Variants in MITF observed in about 807,000 individuals in gnomAD.
MITF encodes the protein microphthalmia-associated transcription factor.
A neutral mutation model predicts 60.5 loss-of-function variants in MITF; 17 were observed. The ratio of observed to expected loss-of-function variants is 0.28; its 90% CI spans 0.19 to 0.42. The LOEUF (loss-of-function observed/expected upper bound fraction) is 0.42, where lower values mean the gene tolerates loss of function less well. Among genes scored for constraint, MITF ranks in the 10% least tolerant of loss-of-function variants. The probability of loss-of-function intolerance (pLI) is 1.00; values close to 1 mark genes in which losing one functional copy is unlikely to be tolerated. For missense variants in MITF, 622 were observed against 683.5 expected (o/e 0.91, Z 1.00); for synonymous variants, 260 against 248.5 (o/e 1.05, Z -0.43).
At chr3:69,867,296 T>G (rs973942245) in intron 1 of MITF, among the ~76,000 whole-genome samples, 1 of 152,132 alleles carries the variant, frequency 6.6e-6, no homozygotes, top group Non-Finnish European at 1.5e-5. Flanking sequence ...AAATACTAGA[T>G]GTAGCAGATC....
At chr3:69,754,144 C>T (rs1704040242) in intron 1 of MITF, among the ~76,000 whole-genome samples, 2 of 151,936 alleles carry the variant, frequency 1.3e-5, no homozygotes, top group Non-Finnish European at 1.5e-5. Flanking sequence ...GGTTTAGCAA[C>T]ACCCACTTAG....
At chr3:69,787,953 G>A (rs1038874482) in intron 1 of MITF, among the ~76,000 whole-genome samples, 6 of 152,054 alleles carry the variant, frequency 3.9e-5, no homozygotes, top group African/African-American at 1.4e-4. Flanking sequence ...GCATTGTTCT[G>A]TTTATTCATC....
chr3:69,823,845 G>T (rs2063314635), intron 1 of MITF, among the ~76,000 whole-genome samples: 1 of 152,132 alleles, frequency 6.6e-6, no homozygotes, highest in Admixed American at 6.5e-5. Flanking sequence ...ATACTGAGTG[G>T]TAGCCTATGA....
chr3:69,921,467 G>C (rs2065466700), intron 2 of MITF, among the ~76,000 whole-genome samples: 1 of 152,152 alleles, frequency 6.6e-6, no homozygotes. Context: ...TTAGGGCATA[G>C]TTTATCATTA....
At chr3:69,941,170 T>C in intron 4 of MITF, 66 bp from the exon 5 acceptor site, 1 of 1,052,468 alleles carries the variant, frequency 9.5e-7, no homozygotes, top group Non-Finnish European at 1.5e-6. Context: ...ACCATGAGTC[T>C]CTTTTTAGGT....
At chr3:69,946,585 C>A (rs1419902701) in intron 5 of MITF, among the ~76,000 whole-genome samples, 1 of 152,048 alleles carries the variant, frequency 6.6e-6, no homozygotes, top group African/African-American at 2.4e-5. Flanking sequence ...GTGCTTGGCC[C>A]AAAGTAGGCA....
chr3:69,938,846 A>C, intron 3 of MITF: 1 of 1,417,192 alleles, frequency 7.1e-7, no homozygotes, highest in Non-Finnish European at 9.2e-7. Context: ...GATTGATTTT[A>C]ATTTCTAGAG....
intron 1 of MITF, among the ~76,000 whole-genome samples, chr3:69,863,361 A>T (rs953381969): frequency 6.6e-6 from 1 of 152,170 alleles, no homozygotes; most frequent in African/African-American, 2.4e-5. Context: ...TGTATCCAAG[A>T]AGGTTCCCTT....
At chr3:69,959,845 G>C (rs1576056522) in intron 9 of MITF, among the ~76,000 whole-genome samples, 1 of 152,290 alleles carries the variant, frequency 6.6e-6, no homozygotes, top group Admixed American at 6.5e-5. Context: ...GCACTGTCTA[G>C]AGTTCCTGAG....
At chr3:69,789,824 G>A (rs2062710551) in intron 1 of MITF, among the ~76,000 whole-genome samples, 2 of 152,192 alleles carry the variant, frequency 1.3e-5, no homozygotes, top group South Asian at 4.1e-4. Context: ...CCACTGCACT[G>A]CAGCCTGGGC....
At chr3:69,905,752 A>T (rs968612908) in intron 2 of MITF, among the ~76,000 whole-genome samples, 5 of 151,902 alleles carry the variant, frequency 3.3e-5, no homozygotes, top group Non-Finnish European at 7.4e-5. Context: ...ATGACTGGTG[A>T]TGTAGAGCAT....
At chr3:69,843,248 G>A (rs1288903636) in intron 1 of MITF, among the ~76,000 whole-genome samples, 1 of 48,572 alleles carries the variant, frequency 2.1e-5, no homozygotes. Flanking sequence ...AGAAGGGTAT[G>A]TTGTTTGAGA....
chr3:69,900,365 A>G (rs1003632957), intron 2 of MITF, among the ~76,000 whole-genome samples: 1 of 152,134 alleles, frequency 6.6e-6, no homozygotes, highest in African/African-American at 2.4e-5. Context: ...CTGTTTCTGA[A>G]CCAACCAACT....
At chr3:69,963,965 CTTTTCTTTTTTT>C (rs2066615626) in intron 9 of MITF, among the ~76,000 whole-genome samples, 1 of 115,234 alleles carries the variant, frequency 8.7e-6, no homozygotes, top group Non-Finnish European at 1.8e-5. Context: ...TTTCTTTTTT[CTTTTCTTTTTTT>C]TTTTTTTTTT....
chr3:69,924,835 T>C (rs1018990009), intron 2 of MITF, among the ~76,000 whole-genome samples: 1 of 152,210 alleles, frequency 6.6e-6, no homozygotes, highest in African/African-American at 2.4e-5. Context: ...AAGCCTTCTG[T>C]ATGAGACTGT....
At chr3:69,835,317 T>C (rs2063524412) in intron 1 of MITF, among the ~76,000 whole-genome samples, 1 of 152,156 alleles carries the variant, frequency 6.6e-6, no homozygotes, top group South Asian at 2.1e-4. Context: ...GCTTCTATTT[T>C]TTAATTGAGT....
chr3:69,965,063 G>C lies in MITF; in HGVS notation c.1396G>C (p.Glu466Gln), dbSNP rs150995386. 12 of 1,614,120 alleles carry C rather than the reference G, an allele frequency of 7.4e-6. No homozygotes were observed. The highest frequency in any genetic ancestry group is 1.0e-5 in the Non-Finnish European group (12 of 1,180,034). ...CAACAACAACCTCGGAACTGGGACT[G>C]AGGCCAACCAAGCCTATAGTGTCCC... ...TFNNNLGTGT[E>Q]ANQAYSVPTK... The change falls in exon 10 of 10, where the codon GAG (glutamate) becomes CAG (glutamine). Residue 466 changes from glutamate (E) to glutamine (Q), a missense_variant. Glu to Gln is a conservative substitution (Grantham distance 29). Coordinates refer to ENST00000352241, the MANE Select transcript of MITF (RefSeq NM_001354604.2).
chr3:69,777,338 A>G (rs565069918), intron 1 of MITF, among the ~76,000 whole-genome samples: 2 of 152,308 alleles, frequency 1.3e-5, no homozygotes, highest in Non-Finnish European at 2.9e-5. Flanking sequence ...TCCTGATTCC[A>G]GTGATGGTAA....
At chr3:69,785,271 A>AAGC (rs35669744) in intron 1 of MITF, among the ~76,000 whole-genome samples, 17 of 151,366 alleles carry the variant, frequency 1.1e-4, no homozygotes, top group South Asian at 2.1e-4. Context: ...AAATAACAGC[A>AAGC]AGCAGCAGCA....
Sources: gnomAD v4.1 joint callset for allele counts (sites outside exome capture counted in the v4.1 genomes callset) on GRCh38, gnomAD v4.1.1 for gene constraint, MANE v1.5 for transcripts, NCBI Gene and HGNC (gene_info 2026-07-23, HGNC 2026-07-21) for gene names.